The following RESF1 variants were observed in gnomAD, a reference collection of about 807,000 sequenced individuals.
RESF1 encodes retroelement silencing factor 1, also known as gonad expressed transcript.
RESF1 carries 65 observed loss-of-function variants against 134.7 expected under a neutral mutation model. The observed-to-expected ratio is 0.48, with a 90% CI of 0.40 to 0.59. The LOEUF (loss-of-function observed/expected upper bound fraction) is 0.59. Among genes scored for constraint, RESF1 ranks in the 20% least tolerant of loss-of-function variants. The probability of loss-of-function intolerance (pLI) is 0.00; values close to 1 mark genes in which losing one functional copy is unlikely to be tolerated. For synonymous variants in RESF1, 762 were observed against 702.2 expected (o/e 1.09, Z -1.35); for missense variants, 2,274 against 2,002.7 (o/e 1.14, Z -2.59).
intron 2 of RESF1, among the ~76,000 whole-genome samples, chr12:31,962,935 TA>T (rs927184368): frequency 4.6e-5 from 7 of 151,900 alleles, no homozygotes; most frequent in African/African-American, 1.2e-4. Context: ...CCATCTCTAC[TA>T]AAAGTACAAA....
intron 5 of RESF1, among the ~76,000 whole-genome samples, chr12:31,989,112 G>C: frequency 6.6e-6 from 1 of 151,976 alleles, no homozygotes; most frequent in East Asian, 1.9e-4. Flanking sequence ...TGGGCAAAGA[G>C]GGGGCTGGGC....
Position 31,960,772 on chromosome 12 carries a change from C to T in RESF1, c.-341-5C>T, listed in dbSNP as rs1565835493. On this transcript the variant is annotated splice_region_variant and splice_polypyrimidine_tract_variant and intron_variant, in intron 1 of 5. Transcript: ENST00000312561. ...TTATTATAAAATGTTTCTTGCTGTC[C>T]CTAGGACCAAAGAAGTAAACACTGT... The T allele has an allele frequency of 6.6e-6, 1 of 152,074 alleles. No homozygotes were observed. The highest frequency in any genetic ancestry group is 1.5e-5 in the Non-Finnish European group (1 of 68,008). 9.4% of individuals were successfully genotyped at this position (152,074 alleles called of 1,614,324 possible).
chr12:31,973,652 A>C (rs1209003261), intron 3 of RESF1, among the ~76,000 whole-genome samples: 3 of 150,618 alleles, frequency 2.0e-5, no homozygotes, highest in Non-Finnish European at 4.4e-5. Flanking sequence ...GTTTTCTTCT[A>C]TGCCAGTGAA....
At position 31,980,907 on chromosome 12, in the gene RESF1, A is replaced by G. The variant is rs1380032847; in HGVS notation, c.-49A>G. The G allele has an allele frequency of 1.5e-6, 2 of 1,351,372 alleles. No homozygotes were observed. Among genetic ancestry groups the G allele is most frequent in the Admixed American group, 4.7e-5 (2 of 42,214 alleles). The allele number at this position is 1,351,372 out of a possible 1,614,324, so 83.7% of individuals were successfully genotyped here. On this transcript the variant is annotated 5_prime_UTR_variant, in exon 4 of 6. Coordinates refer to ENST00000312561, the MANE Select transcript of RESF1 (RefSeq NM_018169.4). ...CTGACATTCAGACAACTGACTTGTA[A>G]CTGACTTATAACTGACTTGTAATAC...
chr12:31,961,262 A>G (rs1011666035), intron 2 of RESF1, among the ~76,000 whole-genome samples: 11 of 152,220 alleles, frequency 7.2e-5, no homozygotes, highest in Non-Finnish European at 1.5e-5. Context: ...CCGTGCAGCC[A>G]AAGTGATCAT....
At chr12:31,980,668 T>G (rs111414482) in intron 3 of RESF1, among the ~76,000 whole-genome samples, 1 of 152,240 alleles carries the variant, frequency 6.6e-6, no homozygotes, top group African/African-American at 2.4e-5. Flanking sequence ...GCTGTCATTG[T>G]GTGGAATGAA....
At chr12:31,987,595 A>G (rs1940004362) in intron 5 of RESF1, among the ~76,000 whole-genome samples, 1 of 152,164 alleles carries the variant, frequency 6.6e-6, no homozygotes, top group Admixed American at 6.6e-5. Flanking sequence ...GTATAGGACC[A>G]GACAGCAAAT....
Position 31,981,221 on chromosome 12 carries a change from C to T in RESF1, c.266C>T (p.Ser89Leu). 6.2e-7 allele frequency: 1 copy of T among 1,614,168 alleles called. No individual in the cohort carries two copies. Among genetic ancestry groups the T allele is most frequent in the Non-Finnish European group, 8.5e-7 (1 of 1,180,032 alleles). Residue 89 changes from serine to leucine, a missense_variant, in exon 4 of 6, where the codon TCA becomes TTA. By Grantham distance (145) the Ser-to-Leu change is moderately radical. Coordinates refer to ENST00000312561, the MANE Select transcript of RESF1 (RefSeq NM_018169.4). ...HNGTVVASHT[S>L]VERITYANVN... is the part of the protein sequence containing the mutation. Reference sequence around the variant, plus strand: ...GGGACAGTTGTGGCCTCACACACTTCAGTAGAAAGAATAACATATGCAAAT... The same window carrying T: ...GGGACAGTTGTGGCCTCACACACTTTAGTAGAAAGAATAACATATGCAAAT...
In RESF1 at chr12:31,992,924, T is replaced by A. The variant is rs1338667485; in HGVS notation, c.*389T>A. 5.7e-6 allele frequency: 1 copy of A among 176,710 alleles called. No homozygotes were observed. The highest frequency in any genetic ancestry group is 1.2e-5 in the Non-Finnish European group (1 of 84,196). 10.9% of individuals were successfully genotyped at this position (176,710 alleles called of 1,614,324 possible). On this transcript the variant is annotated 3_prime_UTR_variant, in exon 6 of 6. Coordinates refer to ENST00000312561, the MANE Select transcript of RESF1 (RefSeq NM_018169.4). ...GGTTTCTAAGCTATATTAGCAAAAT[T>A]TATTTTTCAAAAATGCCCACTGTGA...
intron 2 of RESF1, among the ~76,000 whole-genome samples, chr12:31,963,516 T>C (rs746640596): frequency 2.0e-5 from 3 of 152,170 alleles, no homozygotes; most frequent in Non-Finnish European, 2.9e-5. Flanking sequence ...CATCTCCAGA[T>C]GCAAGCAGCT....
chr12:31,976,691 A>C (rs1038589689), intron 3 of RESF1, among the ~76,000 whole-genome samples: 10 of 152,170 alleles, frequency 6.6e-5, no homozygotes, highest in African/African-American at 9.7e-5. Flanking sequence ...TCAAAAAAAA[A>C]CCAAAATCAT....
At chr12:31,990,441 T>TTTTA (rs150799616) in intron 5 of RESF1, among the ~76,000 whole-genome samples, 173 of 152,122 alleles carry the variant, frequency 1.1e-3, no homozygotes, top group African/African-American at 3.9e-3. Flanking sequence ...ATTTACTTAT[T>TTTTA]TTTATTTATT....
rs1225228866 is a variant in RESF1 at position 31,982,995 on chromosome 12, GA to G, written c.2045del (p.Lys682SerfsTer48). 1 of 1,614,062 alleles carries G rather than the reference GA, an allele frequency of 6.2e-7. No individual in the cohort carries two copies. The highest frequency in any genetic ancestry group is 8.5e-7 in the Non-Finnish European group (1 of 1,180,004). On this transcript the variant is annotated frameshift_variant, in exon 4 of 6. Coordinates refer to ENST00000312561, the MANE Select transcript of RESF1 (RefSeq NM_018169.4). LOFTEE classifies it high-confidence loss of function. Reference sequence around the variant, plus strand: ...TGCTAGCAACCTGTCTTTCCCTGTGGAAAAAGCAACCTTCAGATACTGCAAA... The same window carrying G: ...TGCTAGCAACCTGTCTTTCCCTGTGGAAAAGCAACCTTCAGATACTGCAAA... ...EVLATCLSLW[K>X]KQPSDTAKEK...
intron 2 of RESF1, among the ~76,000 whole-genome samples, chr12:31,968,673 C>G (rs1939449203): frequency 6.6e-6 from 1 of 152,132 alleles, no homozygotes; most frequent in South Asian, 2.1e-4. Flanking sequence ...TGGTCTCGAT[C>G]TCCTGACCTC....
At chr12:31,978,125 T>A (rs1000350362) in intron 3 of RESF1, among the ~76,000 whole-genome samples, 1 of 152,242 alleles carries the variant, frequency 6.6e-6, no homozygotes, top group Middle Eastern at 3.4e-3. Context: ...ATTATTGGCA[T>A]CTTTAATGCT....
In RESF1 at chr12:31,985,632, C is replaced by T; in HGVS notation, c.4677C>T (p.Thr1559=). ...WIDKTKLDKL[T]NISNEAQFSQ... Reference sequence around the variant, plus strand: ...ATAAGACTAAATTAGACAAATTAACCAATATAAGCAACGAAGCTCAATTCA... The same window carrying T: ...ATAAGACTAAATTAGACAAATTAACTAATATAAGCAACGAAGCTCAATTCA... The change falls in exon 4 of 6, where the codon ACC becomes ACT. Residue 1559 remains threonine, a synonymous_variant. Transcript: ENST00000312561. 6.2e-7 allele frequency: 1 copy of T among 1,610,076 alleles called. No individual in the cohort carries two copies. The highest frequency in any genetic ancestry group is 8.5e-7 in the Non-Finnish European group (1 of 1,179,038).
In RESF1 at chr12:31,982,274, A is replaced by T; in HGVS notation, c.1319A>T (p.Asn440Ile). 1 of 1,614,126 alleles carries T rather than the reference A, an allele frequency of 6.2e-7. No individual in the cohort carries two copies. The highest frequency in any genetic ancestry group is 1.1e-5 in the South Asian group (1 of 91,084). ...ACTTCTTATAGTGAACCAGCTCAGA[A>T]TTCTAAATTGTCTCTAAAACAAACT... ...TNTSYSEPAQNSKLSLKQTAK... is the reference protein window; with the variant it reads ...TNTSYSEPAQISKLSLKQTAK... Residue 440 changes from asparagine to isoleucine, a missense_variant, in exon 4 of 6, where the codon AAT becomes ATT. Physicochemically the swap from Asn to Ile is moderately radical, Grantham distance 149 (BLOSUM62 -3). Transcript: ENST00000312561.
chr12:31,974,479 C>G (rs1368468366), intron 3 of RESF1, among the ~76,000 whole-genome samples: 1 of 152,128 alleles, frequency 6.6e-6, no homozygotes, highest in African/African-American at 2.4e-5. Flanking sequence ...TGAAGCTTCT[C>G]TCTCAGTGGC....
chr12:31,972,197 G>T (rs2120798218), intron 3 of RESF1, among the ~76,000 whole-genome samples: 1 of 152,260 alleles, frequency 6.6e-6, no homozygotes, highest in South Asian at 2.1e-4. Flanking sequence ...CCTGAGTTCT[G>T]TGAGCTGCTC....
Sources: gnomAD v4.1 joint callset for allele counts (sites outside exome capture counted in the v4.1 genomes callset) on GRCh38, gnomAD v4.1.1 for gene constraint, MANE v1.5 for transcripts, NCBI Gene and HGNC (gene_info 2026-07-23, HGNC 2026-07-21) for gene names.